Variants in RASSF5 observed in about 807,000 individuals in gnomAD.
RASSF5 encodes the protein ras association domain-containing protein 5.
Under a neutral mutation model 40.5 loss-of-function variants are expected in RASSF5, and 25 were observed. The ratio of observed to expected loss-of-function variants is 0.62; its 90% confidence interval spans 0.45 to 0.86. The LOEUF is 0.86. Among genes scored for constraint, RASSF5 ranks in the 40% least tolerant of loss-of-function variants. RASSF5 has a pLI of 0.00. For missense variants in RASSF5, 521 were observed against 572.8 expected (o/e 0.91, Z 0.92); for synonymous variants, 246 against 252.4 (o/e 0.97, Z 0.24).
chr1:206,538,119 G>C, intron 1 of RASSF5, 53 bp from the exon 2 acceptor site: 1 of 1,611,312 alleles, frequency 6.2e-7, no homozygotes, highest in African/African-American at 1.3e-5. Flanking sequence ...CTGGGTGAAA[G>C]TGGGGAGGAA....
chr1:206,580,513 C>A (rs1553406073), intron 2 of RASSF5, among the ~76,000 whole-genome samples: 1 of 152,144 alleles, frequency 6.6e-6, no homozygotes, highest in South Asian at 2.1e-4. Context: ...GGGCCAGGGT[C>A]AGGCACATCT....
chr1:206,565,505 G>A (rs545609005), intron 2 of RASSF5, among the ~76,000 whole-genome samples: 9 of 152,358 alleles, frequency 5.9e-5, no homozygotes, highest in African/African-American at 2.2e-4. Context: ...ATAGCACTGA[G>A]CACCACAGGT....
chr1:206,508,377 TG>T (rs1417930499), intron 1 of RASSF5, among the ~76,000 whole-genome samples: 2 of 144,592 alleles, frequency 1.4e-5, no homozygotes, highest in African/African-American at 2.6e-5. Flanking sequence ...TTGTGGGGGG[TG>T]GGTGGGTGAT....
chr1:206,511,795 G>A (rs369886284), intron 1 of RASSF5, among the ~76,000 whole-genome samples: 50 of 152,210 alleles, frequency 3.3e-4, no homozygotes, highest in East Asian at 1.5e-3. Flanking sequence ...TTGTTGCTAC[G>A]CTATTGGCTG....
At chr1:206,520,481 C>T (rs1666876440) in intron 1 of RASSF5, among the ~76,000 whole-genome samples, 1 of 152,154 alleles carries the variant, frequency 6.6e-6, no homozygotes, top group East Asian at 1.9e-4. Context: ...GAGATGGGCA[C>T]CTGTAATCCC....
intron 1 of RASSF5, among the ~76,000 whole-genome samples, chr1:206,528,733 T>C (rs1275874211): frequency 6.6e-6 from 1 of 152,070 alleles, no homozygotes; most frequent in Non-Finnish European, 1.5e-5. Flanking sequence ...TCCAAAAAAG[T>C]CTATTTTAAA....
chr1:206,540,814 G>C (rs1002456865), intron 2 of RASSF5, among the ~76,000 whole-genome samples: 1 of 152,118 alleles, frequency 6.6e-6, no homozygotes, highest in Non-Finnish European at 1.5e-5. Flanking sequence ...AAGGGAGCAG[G>C]GGCTCAGATC....
At chr1:206,585,131 C>T (rs781952337) in intron 4 of RASSF5, 49 bp from the exon 5 acceptor site, 8 of 1,437,390 alleles carry the variant, frequency 5.6e-6, no homozygotes, top group South Asian at 2.3e-5. Context: ...GCCTGGGCCC[C>T]GCCCTTCTTT....
At chr1:206,516,862 C>A (rs183171825) in intron 1 of RASSF5, among the ~76,000 whole-genome samples, 6 of 152,292 alleles carry the variant, frequency 3.9e-5, no homozygotes, top group East Asian at 1.9e-4. Flanking sequence ...ACTTCCTAGG[C>A]CCTCTTGGAG....
At chr1:206,534,905 G>A (rs988156160) in intron 1 of RASSF5, among the ~76,000 whole-genome samples, 5 of 152,166 alleles carry the variant, frequency 3.3e-5, no homozygotes, top group Non-Finnish European at 7.4e-5. Flanking sequence ...TCCACCCAGA[G>A]TTTCACTTTT....
At position 206,584,372 on chromosome 1, in the gene RASSF5, T is replaced by A; in HGVS notation, c.691-15T>A. 6.3e-7 allele frequency: 1 copy of A among 1,599,378 alleles called. No individual in the cohort carries two copies. The highest frequency in any genetic ancestry group is 8.5e-7 in the Non-Finnish European group (1 of 1,171,762). ...CGGACGGCCCTGACCCCCTGTGACA[T>A]GCCCCCGCTGGCAGAGTGAAGACGG... On this transcript the variant is annotated splice_polypyrimidine_tract_variant and intron_variant, in intron 3 of 5. Coordinates refer to ENST00000579436, the MANE Select transcript of RASSF5 (RefSeq NM_182663.4). This position sits in a 1 kb window ranked among gnomAD's most constrained non-coding sequence, Gnocchi z 4.9.
Position 206,579,216 on chromosome 1 carries a change from T to C in RASSF5, c.580-4053T>C, listed in dbSNP as rs1553405763. ...GAACAGCTCAGCCATCTGCCACCAA[T>C]GCCAGGGGCTTAATCGGAATAGATG... On this transcript the variant is annotated intron_variant, in intron 2 of 5. Coordinates refer to ENST00000579436, the MANE Select transcript of RASSF5 (RefSeq NM_182663.4). The surrounding 1 kb of genome is among the most constrained non-coding windows in gnomAD (Gnocchi z 4.2). 6.6e-6 allele frequency among the ~76,000 whole-genome samples: 1 copy of C among 152,198 alleles called. No homozygotes were observed. The highest frequency in any genetic ancestry group is 2.4e-5 in the African/African-American group (1 of 41,448).
rs1179968465 is a variant in RASSF5, at chr1:206,552,764, A to G, written c.579+14471A>G. Among the ~76,000 whole-genome samples, 1 of 152,188 alleles carries G rather than the reference A, an allele frequency of 6.6e-6. No individual in the cohort carries two copies. Among genetic ancestry groups the G allele is most frequent in the African/African-American group, 2.4e-5 (1 of 41,432 alleles). ...CAGGGTTCTGAGGATTAAGTGAGAT[A>G]ATGAAATGTGTAACTTTCATTCAGT... is the stretch of plus-strand genomic sequence containing the variant. On this transcript the variant is annotated intron_variant, in intron 2 of 5. Transcript: ENST00000579436. This position sits in a 1 kb window ranked among gnomAD's most constrained non-coding sequence, Gnocchi z 4.1.
chr1:206,508,860 A>G (rs1666538702), intron 1 of RASSF5, among the ~76,000 whole-genome samples: 1 of 152,128 alleles, frequency 6.6e-6, no homozygotes, highest in Non-Finnish European at 1.5e-5. Context: ...TCTCAAAGCC[A>G]GAAAACACTG....
intron 2 of RASSF5, among the ~76,000 whole-genome samples, chr1:206,575,094 A>C (rs1215322070): frequency 1.3e-5 from 2 of 151,666 alleles, no homozygotes; most frequent in Non-Finnish European, 2.9e-5. Context: ...TTGAACTCCT[A>C]ACCTCACCTT....
intron 2 of RASSF5, among the ~76,000 whole-genome samples, chr1:206,555,397 C>T (rs1553401632): frequency 6.6e-6 from 1 of 151,908 alleles, no homozygotes; most frequent in African/African-American, 2.4e-5. Flanking sequence ...TAGATTCCCA[C>T]TGAGCAAGGA....
intron 1 of RASSF5, 38 bp downstream of exon 1, chr1:206,508,097 C>T: frequency 7.6e-7 from 1 of 1,323,262 alleles, no homozygotes; most frequent in Non-Finnish European, 9.7e-7. Context: ...GCGGGGAGAC[C>T]GCAGTCTGGG....
intron 2 of RASSF5, among the ~76,000 whole-genome samples, chr1:206,582,087 G>A (rs1481605212): frequency 6.6e-6 from 1 of 152,126 alleles, no homozygotes; most frequent in African/African-American, 2.4e-5. Context: ...TTCTGGGTGG[G>A]TTCTGACCAA....
At chr1:206,525,193 A>T (rs1264568925) in intron 1 of RASSF5, among the ~76,000 whole-genome samples, 1 of 152,042 alleles carries the variant, frequency 6.6e-6, no homozygotes, top group Non-Finnish European at 1.5e-5. Context: ...TTGGAGATGG[A>T]TGATTAATGT....
Sources: gnomAD v4.1 joint callset for allele counts (sites outside exome capture counted in the v4.1 genomes callset) on GRCh38, gnomAD v4.1.1 for gene constraint, Gnocchi (gnomAD v3.1) non-coding constraint, MANE v1.5 for transcripts, NCBI Gene and HGNC (gene_info 2026-07-23, HGNC 2026-07-21) for gene names.